Variants in ZNF292 observed in about 807,000 individuals in gnomAD.
ZNF292 encodes the protein 16 zinc-finger domain protein.
A neutral mutation model predicts 217.9 loss-of-function variants in ZNF292; 26 were observed. The observed-to-expected ratio is 0.12, with a 90% confidence interval of 0.09 to 0.17. The LOEUF (loss-of-function observed/expected upper bound fraction) is 0.17, where lower values mean the gene tolerates loss of function less well. Among genes scored for constraint, ZNF292 ranks in the 10% least tolerant of loss-of-function variants. ZNF292 has a pLI of 1.00. For synonymous variants in ZNF292, 1,257 were observed against 1,124.1 expected, an observed-to-expected ratio of 1.12 and a Z score of -2.37; for missense variants, 2,904 against 3,175.2, an observed-to-expected ratio of 0.91 and a Z score of 2.05.
At chr6:87,163,670 C>T (rs9294372) in intron 1 of ZNF292, among the ~76,000 whole-genome samples, 95,234 of 151,878 alleles carry the variant, frequency 0.63, 31,333 homozygotes, top group African/African-American at 0.83. Flanking sequence ...GGGTAGTAAG[C>T]ATGGATTAAG....
intron 4 of ZNF292, among the ~76,000 whole-genome samples, chr6:87,227,397 A>C (rs963398133): frequency 1.3e-5 from 2 of 152,116 alleles, no homozygotes; most frequent in Non-Finnish European, 2.9e-5. Flanking sequence ...TTTTTGACCA[A>C]CAATGCTGAA....
chr6:87,190,832 T>G (rs906599466), intron 1 of ZNF292, among the ~76,000 whole-genome samples: 3 of 152,214 alleles, frequency 2.0e-5, no homozygotes, highest in Non-Finnish European at 4.4e-5. Flanking sequence ...GTACATAGTA[T>G]TGATAGTCTT....
At chr6:87,251,233 G>A (rs1275099973) in intron 7 of ZNF292, among the ~76,000 whole-genome samples, 2 of 152,134 alleles carry the variant, frequency 1.3e-5, no homozygotes, top group African/African-American at 2.4e-5. Flanking sequence ...AGTCCTTTTC[G>A]TATTCCACAC....
intron 1 of ZNF292, among the ~76,000 whole-genome samples, chr6:87,163,275 C>G (rs1459342883): frequency 6.6e-6 from 1 of 151,992 alleles, no homozygotes; most frequent in Non-Finnish European, 1.5e-5. Context: ...CATGGTGAAA[C>G]CCCGTCTCTA....
At chr6:87,199,341 G>T (rs567778496) in intron 1 of ZNF292, among the ~76,000 whole-genome samples, 17 of 152,126 alleles carry the variant, frequency 1.1e-4, no homozygotes, top group South Asian at 6.2e-4. Flanking sequence ...AAACCAGGTT[G>T]TCTTTTTATT....
At chr6:87,193,196 T>TA (rs1194575546) in intron 1 of ZNF292, among the ~76,000 whole-genome samples, 4 of 152,036 alleles carry the variant, frequency 2.6e-5, no homozygotes, top group African/African-American at 9.7e-5. Flanking sequence ...TCCAAAATCT[T>TA]AAAGTTTTTG....
rs528077274 is a variant in ZNF292, at chr6:87,232,735, C to T, written c.539-590C>T. On this transcript the variant is annotated intron_variant, in intron 4 of 7. Coordinates refer to ENST00000369577, the MANE Select transcript of ZNF292 (RefSeq NM_015021.3). ...AACCCACAGAAGTTTTATCCTTTGG[C>T]GAAGTTTTATCCTTTGGCAAACTTT... Among the ~76,000 whole-genome samples, 6 of 24,786 alleles carry T rather than the reference C, an allele frequency of 2.4e-4. No homozygotes were observed. In the South Asian group the frequency reaches 7.5e-3, roughly 31 times the overall value. 16.3% of individuals were successfully genotyped at this position (24,786 alleles called of 152,430 possible).
chr6:87,184,163 A>G (rs1413429815), intron 1 of ZNF292, among the ~76,000 whole-genome samples: 1 of 152,246 alleles, frequency 6.6e-6, no homozygotes, highest in Non-Finnish European at 1.5e-5. Flanking sequence ...AAAATTGGAA[A>G]TGATGTGAAG....
At chr6:87,206,683 C>A (rs1436256914) in intron 1 of ZNF292, among the ~76,000 whole-genome samples, 1 of 152,126 alleles carries the variant, frequency 6.6e-6, no homozygotes, top group Admixed American at 6.5e-5. Flanking sequence ...TCTTTATTTT[C>A]TCTTTTTAAA....
In ZNF292 at chr6:87,179,941, A is replaced by T. The variant is rs193159651; in HGVS notation, c.168+24182A>T. Among the ~76,000 whole-genome samples the T allele has an allele frequency of 3.3e-4, 50 of 152,124 alleles. 1 individual carries two copies. The highest frequency in any genetic ancestry group is 3.1e-3 in the Admixed American group (48 of 15,276). ...TAGTTTATTGCTTCTGCCATGTTTT[A>T]TTCTTTATGAAGATCCCCGAGTATT... On this transcript the variant is annotated intron_variant, in intron 1 of 7. Transcript: ENST00000369577.
chr6:87,212,530 C>T (rs940956116), intron 1 of ZNF292, among the ~76,000 whole-genome samples: 4 of 152,136 alleles, frequency 2.6e-5, no homozygotes, highest in African/African-American at 7.2e-5. Flanking sequence ...AAGACACTTA[C>T]GTAGATTTCA....
rs2127864363 is a variant in ZNF292 at position 87,257,485 on chromosome 6, G to GT, written c.3862dup (p.Ser1288PhefsTer6). 1 of 1,612,292 alleles carries GT rather than the reference G, an allele frequency of 6.2e-7. No individual in the cohort carries two copies. Among genetic ancestry groups the GT allele is most frequent in the Non-Finnish European group, 8.5e-7 (1 of 1,179,190 alleles). ...ACCAGCAGATAGTGGGACTAATTCT[G>GT]TTTTTTCCCAACTGGAAAATAATAC... On this transcript the variant is annotated frameshift_variant, in exon 8 of 8. Transcript: ENST00000369577. LOFTEE classifies it high-confidence loss of function.
Position 87,155,664 on chromosome 6 carries a change from C to G in ZNF292, c.73C>G (p.Leu25Val). Residue 25 changes from leucine (L) to valine (V), a missense_variant, in exon 1 of 8, where the codon CTG becomes GTG. By Grantham distance (32) the Leu-to-Val change is conservative. Coordinates refer to ENST00000369577, the MANE Select transcript of ZNF292 (RefSeq NM_015021.3). The stretch of plus-strand genomic sequence containing the variant: ...CGGCTGCGTCGCGGAGCTGCAGCGC[C>G]TGGGCGAGCGGCTCCAGGAGCTGGA... Reference protein sequence around the residue: ...EGGCVAELQRLGERLQELELQ... With the variant: ...EGGCVAELQRVGERLQELELQ... The G allele has an allele frequency of 6.3e-7, 1 of 1,585,452 alleles. No homozygotes were observed. The highest frequency in any genetic ancestry group is 8.6e-7 in the Non-Finnish European group (1 of 1,167,742).
chr6:87,185,656 ATGG>A (rs1382741847), intron 1 of ZNF292, among the ~76,000 whole-genome samples: 1 of 152,046 alleles, frequency 6.6e-6, no homozygotes, highest in African/African-American at 2.4e-5. Flanking sequence ...TTTGATAGAG[ATGG>A]GGTTTCACCA....
rs373848653 is a variant in ZNF292 at position 87,255,681 on chromosome 6, T to A, written c.2052T>A (p.Pro684=). ...KPVPVNEFNC[P]VTFCKKGFKY... ...TACCTGTTAATGAATTTAATTGCCC[T>A]GTAACTTTTTGTAAAAAGGGCTTTA... Residue 684 remains proline (P), a synonymous_variant, in exon 8 of 8, where the codon CCT becomes CCA. Coordinates refer to ENST00000369577, the MANE Select transcript of ZNF292 (RefSeq NM_015021.3). 6 of 1,613,224 alleles carry A rather than the reference T, an allele frequency of 3.7e-6. No homozygotes were observed. In the South Asian group the frequency reaches 6.6e-5, roughly 18 times the overall value.
Position 87,236,393 on chromosome 6 carries a change from T to TG in ZNF292, c.741+2866_741+2867insG, listed in dbSNP as rs201992519. On this transcript the variant is annotated intron_variant, in intron 5 of 7. Coordinates refer to ENST00000369577, the MANE Select transcript of ZNF292 (RefSeq NM_015021.3). ...CTAGTTGATACCCCATAGGTTGTTT[T>TG]TTTTTTTTTTTTAAAAAAGAAAAGA... Among the ~76,000 whole-genome samples the TG allele has an allele frequency of 7.5e-3, 953 of 127,698 alleles. 7 individuals carry two copies. The highest frequency in any genetic ancestry group is 0.011 in the Non-Finnish European group (629 of 57,258). 83.8% of individuals were successfully genotyped at this position (127,698 alleles called of 152,430 possible).
chr6:87,159,207 A>C (rs1770638497), intron 1 of ZNF292, among the ~76,000 whole-genome samples: 1 of 152,116 alleles, frequency 6.6e-6, no homozygotes, highest in Admixed American at 6.6e-5. Flanking sequence ...AAAGGCATTA[A>C]ATGTTTTTCT....
chr6:87,185,255 T>C (rs1271365306), intron 1 of ZNF292, among the ~76,000 whole-genome samples: 1 of 152,162 alleles, frequency 6.6e-6, no homozygotes, highest in East Asian at 1.9e-4. Context: ...AACCCAAAAA[T>C]GTGCTAAACC....
chr6:87,194,853 CAG>C (rs1182047222), intron 1 of ZNF292, among the ~76,000 whole-genome samples: 2 of 151,462 alleles, frequency 1.3e-5, no homozygotes, highest in African/African-American at 4.8e-5. Context: ...TATAACAAAA[CAG>C]ATGGTATTGC....
Sources: gnomAD v4.1 joint callset for allele counts (sites outside exome capture counted in the v4.1 genomes callset) on GRCh38, gnomAD v4.1.1 for gene constraint, MANE v1.5 for transcripts, NCBI Gene and HGNC (gene_info 2026-07-23, HGNC 2026-07-21) for gene names.